CLSTN2: variants seen among roughly 807,000 people sequenced by gnomAD.
CLSTN2 encodes the protein calsyntenin 2.
Under a neutral mutation model 101.2 loss-of-function variants are expected in CLSTN2, and 48 were observed. That is an observed-to-expected ratio of 0.47 (90% CI 0.38 to 0.60). CLSTN2 has a LOEUF of 0.60. Ranked by LOEUF, CLSTN2 falls within the 20% of genes least tolerant of loss-of-function variation. The pLI, the probability that CLSTN2 is intolerant of heterozygous loss-of-function variation, is 0.00. For synonymous variants in CLSTN2, 481 were observed against 463.6 expected (o/e 1.04, Z -0.48); for missense variants, 1,160 against 1,238.2 (o/e 0.94, Z 0.95).
chr3:140,477,443 G>A (rs1934011446), intron 8 of CLSTN2, among the ~76,000 whole-genome samples: 1 of 152,084 alleles, frequency 6.6e-6, no homozygotes, highest in African/African-American at 2.4e-5. Context: ...TGTGGTTTTA[G>A]GTGCAAGAAT....
intron 2 of CLSTN2, among the ~76,000 whole-genome samples, chr3:140,176,922 G>T (rs2010334155): frequency 6.6e-6 from 1 of 152,234 alleles, no homozygotes; most frequent in African/African-American, 2.4e-5. Context: ...CCAGGATGAA[G>T]TCTATTTTTT....
chr3:140,425,030 A>G (rs979545063), intron 5 of CLSTN2, among the ~76,000 whole-genome samples: 15 of 151,990 alleles, frequency 9.9e-5, no homozygotes, highest in African/African-American at 3.6e-4. Flanking sequence ...TCCCAAACTG[A>G]CTCCTCACAA....
chr3:140,286,662 G>A (rs1292627557), intron 2 of CLSTN2, among the ~76,000 whole-genome samples: 2 of 152,158 alleles, frequency 1.3e-5, no homozygotes, highest in African/African-American at 4.8e-5. Flanking sequence ...TCTCATTCCT[G>A]GTACTCAGCT....
chr3:140,526,968 C>CAATT (rs1177006870), intron 8 of CLSTN2, among the ~76,000 whole-genome samples: 2 of 151,920 alleles, frequency 1.3e-5, no homozygotes. Context: ...TATAAAACCC[C>CAATT]AATTATAAAA....
At chr3:139,986,055 G>A (rs1163359115) in intron 1 of CLSTN2, among the ~76,000 whole-genome samples, 9 of 152,112 alleles carry the variant, frequency 5.9e-5, no homozygotes, top group Admixed American at 5.9e-4. Flanking sequence ...TAGCATTTCA[G>A]TTCTTTACAA....
At chr3:140,050,185 G>T (rs1182170271) in intron 1 of CLSTN2, among the ~76,000 whole-genome samples, 1 of 152,170 alleles carries the variant, frequency 6.6e-6, no homozygotes, top group Non-Finnish European at 1.5e-5. Flanking sequence ...ATAATCTTGA[G>T]CAAATCCACA....
intron 1 of CLSTN2, among the ~76,000 whole-genome samples, chr3:139,987,215 A>G (rs538909449): frequency 6.6e-5 from 10 of 152,342 alleles, no homozygotes; most frequent in African/African-American, 2.2e-4. Flanking sequence ...GCCATGTCCA[A>G]TGCCAGGCCC....
chr3:140,001,960 T>C (rs2006850618), intron 1 of CLSTN2, among the ~76,000 whole-genome samples: 1 of 152,232 alleles, frequency 6.6e-6, no homozygotes. Context: ...ATCTCATTCT[T>C]TTTTATGGCA....
intron 8 of CLSTN2, among the ~76,000 whole-genome samples, chr3:140,519,862 G>C (rs1312738751): frequency 2.0e-5 from 3 of 152,176 alleles, no homozygotes; most frequent in Non-Finnish European, 4.4e-5. Context: ...GATGCTAGCT[G>C]GTTATTTTGT....
At chr3:140,369,748 A>G (rs1486492492) in intron 2 of CLSTN2, among the ~76,000 whole-genome samples, 1 of 151,916 alleles carries the variant, frequency 6.6e-6, no homozygotes, top group Non-Finnish European at 1.5e-5. Context: ...TGCCTCACTC[A>G]TTTCTTACCT....
chr3:140,324,399 G>A (rs2087312803), intron 2 of CLSTN2, among the ~76,000 whole-genome samples: 4 of 152,174 alleles, frequency 2.6e-5, no homozygotes, highest in Admixed American at 2.6e-4. Context: ...AATATATAAT[G>A]TTAAGTGGGT....
At chr3:140,468,637 T>C (rs529463892) in intron 8 of CLSTN2, among the ~76,000 whole-genome samples, 1 of 152,352 alleles carries the variant, frequency 6.6e-6, no homozygotes, top group African/African-American at 2.4e-5. Flanking sequence ...GGCTAATGTG[T>C]GGCAAGAGAC....
At chr3:140,181,420 TA>T (rs2010406477) in intron 2 of CLSTN2, among the ~76,000 whole-genome samples, 1 of 152,236 alleles carries the variant, frequency 6.6e-6, no homozygotes, top group Admixed American at 6.5e-5. Context: ...AGTGCAATTA[TA>T]ATCTGTGATT....
chr3:139,959,718 AT>A (rs1659495144), intron 1 of CLSTN2, among the ~76,000 whole-genome samples: 1 of 152,044 alleles, frequency 6.6e-6, no homozygotes, highest in Admixed American at 6.6e-5. Context: ...TTCTAAGCTC[AT>A]TCTGTGCCCT....
In CLSTN2 at chr3:140,459,694, A is replaced by C; in HGVS notation, c.1147A>C (p.Met383Leu). ...CCTGACCGATCAGTTCACCATCACC[A>C]TGTGGATGAAACACGGCCCCAGCCC... Reference protein sequence around the residue: ...KNLTDQFTITMWMKHGPSPGV... With the variant: ...KNLTDQFTITLWMKHGPSPGV... The change falls in exon 7 of 17, where the codon ATG (methionine) becomes CTG (leucine). Residue 383 changes from methionine (M) to leucine (L), a missense_variant. Coordinates refer to ENST00000458420, the MANE Select transcript of CLSTN2 (RefSeq NM_022131.3). 6.2e-7 allele frequency: 1 copy of C among 1,614,112 alleles called. No homozygotes were observed. Among genetic ancestry groups the C allele is most frequent in the Middle Eastern group, 1.6e-4 (1 of 6,062 alleles).
intron 1 of CLSTN2, among the ~76,000 whole-genome samples, chr3:140,135,105 CACACACACACACATATATAT>C (rs1300240611): frequency 1.9e-5 from 1 of 53,302 alleles, no homozygotes; most frequent in African/African-American, 8.9e-5. Flanking sequence ...CACACACACA[CACACACACACACATATATAT>C]ATATATATAT....
intron 2 of CLSTN2, among the ~76,000 whole-genome samples, chr3:140,181,441 AAAG>A (rs1405966751): frequency 6.6e-6 from 1 of 152,136 alleles, no homozygotes; most frequent in African/African-American, 2.4e-5. Flanking sequence ...TTTTTTTAAA[AAAG>A]AGAAAAGTTT....
intron 1 of CLSTN2, among the ~76,000 whole-genome samples, chr3:139,982,921 C>G (rs1044675046): frequency 1.3e-5 from 2 of 151,004 alleles, no homozygotes; most frequent in Non-Finnish European, 2.9e-5. Context: ...ATTACATAGA[C>G]TATACACATA....
rs1933714059 is a variant in CLSTN2, at chr3:140,466,731, G to T, written c.1344G>T (p.Gln448His). 5.6e-6 allele frequency: 9 copies of T among 1,613,844 alleles called. No homozygotes were observed. The highest frequency in any genetic ancestry group is 7.6e-6 in the Non-Finnish European group (9 of 1,180,028). Residue 448 changes from glutamine to histidine, a missense_variant and splice_region_variant, in exon 8 of 17, where the codon CAG becomes CAT. By Grantham distance (24) the Gln-to-His change is conservative (BLOSUM62 0). Coordinates refer to ENST00000458420, the MANE Select transcript of CLSTN2 (RefSeq NM_022131.3). ...CGGAGTTCCACTGGAAGCTGGATCAGGTATGGTGCTCACCTCACACCTGCT... is the reference window on the plus strand; with the variant it reads ...CGGAGTTCCACTGGAAGCTGGATCATGTATGGTGCTCACCTCACACCTGCT... ...RPAEFHWKLD[Q>H]ICDKEWHYYV...
Sources: allele counts gnomAD v4.1 joint callset (sites outside exome capture counted in the v4.1 genomes callset), GRCh38; gene constraint gnomAD v4.1.1; transcripts MANE v1.5; gene names NCBI Gene and HGNC (gene_info 2026-07-23, HGNC 2026-07-21).